KDM1B: variants seen among roughly 807,000 people sequenced by gnomAD.
KDM1B encodes the protein lysine-specific histone demethylase 2.
A neutral mutation model predicts 107.4 loss-of-function variants in KDM1B; 63 were observed. The ratio of observed to expected loss-of-function variants is 0.59; its 90% confidence interval spans 0.48 to 0.72. The LOEUF is 0.72. KDM1B is among the 30% of genes least tolerant of loss of function. KDM1B has a pLI of 0.00. For synonymous variants in KDM1B, 363 were observed against 363.9 expected (o/e 1.00, Z 0.03); for missense variants, 749 against 1,020.8 (o/e 0.73, Z 3.63).
chr6:18,208,251 C>T, intron 17 of KDM1B, 45 bp downstream of exon 17: 1 of 1,419,194 alleles, frequency 7.0e-7, no homozygotes, highest in Non-Finnish European at 9.8e-7. Flanking sequence ...CCTTTGCTGC[C>T]AGGGGCTTGG....
rs543540463 is a variant in KDM1B, at chr6:18,206,200, T to C, written c.1659+536T>C. ...GAAACTCTTCTTCAGATAATGCTTG[T>C]GAAAGAAGCTCAATACGTAAAAACA... On this transcript the variant is annotated intron_variant, in intron 15 of 21. Coordinates refer to ENST00000650836, the MANE Select transcript of KDM1B (RefSeq NM_001364614.2). Among the ~76,000 whole-genome samples the C allele has an allele frequency of 1.8e-3, 269 of 151,302 alleles. 1 individual carries two copies. The highest frequency in any genetic ancestry group is 6.4e-3 in the African/African-American group (264 of 41,214).
In KDM1B at chr6:18,172,856, G is replaced by A. The variant is rs532475843; in HGVS notation, c.534+1377G>A. On this transcript the variant is annotated intron_variant, in intron 7 of 21. Transcript: ENST00000650836. This position sits in a 1 kb window ranked among gnomAD's most constrained non-coding sequence, Gnocchi z 5.2. ...TGTAATCCCAGCACTTTGGGAGGCC[G>A]AGATGGGCGGATCACCCGAGGTCAG... Among the ~76,000 whole-genome samples the A allele has an allele frequency of 6.6e-6, 1 of 152,170 alleles. No homozygotes were observed. Among genetic ancestry groups the A allele is most frequent in the Middle Eastern group, 3.4e-3 (1 of 294 alleles).
At chr6:18,165,484 G>C (rs898924551) in intron 5 of KDM1B, among the ~76,000 whole-genome samples, 1 of 152,016 alleles carries the variant, frequency 6.6e-6, no homozygotes, top group Non-Finnish European at 1.5e-5. Context: ...TTCATCTACT[G>C]ATGTAATTTT....
In KDM1B at chr6:18,167,808, G is replaced by T. The variant is rs188494195; in HGVS notation, c.417+1430G>T. On this transcript the variant is annotated intron_variant, in intron 6 of 21. Coordinates refer to ENST00000650836, the MANE Select transcript of KDM1B (RefSeq NM_001364614.2). Reference sequence around the variant, plus strand: ...GATGGGGCCTTGCTCTGTCGTTCAGGCTAGAGTGCAGTTGTGGGATTATGA... The same window carrying T: ...GATGGGGCCTTGCTCTGTCGTTCAGTCTAGAGTGCAGTTGTGGGATTATGA... 4.7e-4 allele frequency among the ~76,000 whole-genome samples: 71 copies of T among 152,006 alleles called. 1 individual carries two copies. Among genetic ancestry groups the T allele is most frequent in the Admixed American group, 4.5e-3 (69 of 15,254 alleles).
intron 2 of KDM1B, among the ~76,000 whole-genome samples, chr6:18,156,844 G>A (rs953838334): frequency 5.3e-5 from 8 of 151,996 alleles, no homozygotes; most frequent in Admixed American, 6.6e-5. Flanking sequence ...TTGAACCCAG[G>A]AGGTGGATGT....
At chr6:18,185,225 C>G (rs1453341386) in intron 7 of KDM1B, among the ~76,000 whole-genome samples, 1 of 151,814 alleles carries the variant, frequency 6.6e-6, no homozygotes, top group Non-Finnish European at 1.5e-5. Context: ...TTGTCACCGC[C>G]CTTCGTGGTT....
rs1156783376 is a variant in KDM1B at position 18,204,050 on chromosome 6, A to C, written c.1532-1487A>C. 3.3e-5 allele frequency among the ~76,000 whole-genome samples: 5 copies of C among 152,272 alleles called. No homozygotes were observed. The highest frequency in any genetic ancestry group is 3.9e-4 in the East Asian group (2 of 5,174). On this transcript the variant is annotated intron_variant, in intron 14 of 21. Coordinates refer to ENST00000650836, the MANE Select transcript of KDM1B (RefSeq NM_001364614.2). The surrounding 1 kb of genome is among the most constrained non-coding windows in gnomAD (Gnocchi z 4.9). The stretch of plus-strand genomic sequence containing the variant: ...CCAGGGGTCTAGGAGCAACAAAGAC[A>C]GGCACAAATCTGGAGGCCTCTTGGG...
In KDM1B at chr6:18,222,092, A is replaced by G. The variant is rs773724307; in HGVS notation, c.*100A>G. 5 of 1,025,530 alleles carry G rather than the reference A, an allele frequency of 4.9e-6. No homozygotes were observed. The highest frequency in any genetic ancestry group is 1.3e-5 in the South Asian group (1 of 78,226). The allele number at this position is 1,025,530 out of a possible 1,614,324, so 63.5% of individuals were successfully genotyped here. A position where few individuals can be genotyped will look rare whatever the true frequency, so the allele number is the denominator to read the frequency against. On this transcript the variant is annotated 3_prime_UTR_variant, in exon 22 of 22. Transcript: ENST00000650836. ...AAGAGGGGGAAAAAACCGTCTCTACATAGTAAAACTGAAATGTTTCTAAGG... is the reference window on the plus strand; with the variant it reads ...AAGAGGGGGAAAAAACCGTCTCTACGTAGTAAAACTGAAATGTTTCTAAGG...
At chr6:18,161,500 A>G (rs1784970815) in intron 4 of KDM1B, 46 bp downstream of exon 4, 2 of 1,604,458 alleles carry the variant, frequency 1.2e-6, no homozygotes, top group Non-Finnish European at 1.7e-6. Flanking sequence ...GCTTGTGAGA[A>G]GTTCTTTGTG....
chr6:18,198,647 AAAAAAAAAAAC>A (rs537307392), intron 12 of KDM1B, among the ~76,000 whole-genome samples: 1,526 of 143,872 alleles, frequency 0.011, 18 homozygotes, highest in Non-Finnish European at 0.016. Context: ...CAAAAAAAAA[AAAAAAAAAAAC>A]AAAACGCCCT....
intron 7 of KDM1B, among the ~76,000 whole-genome samples, chr6:18,181,411 T>C (rs1786466423): frequency 6.6e-6 from 1 of 152,180 alleles, no homozygotes; most frequent in African/African-American, 2.4e-5. Flanking sequence ...AAAATATTTC[T>C]TTATCCCAAG....
chr6:18,165,585 G>A (rs575388503), intron 5 of KDM1B, among the ~76,000 whole-genome samples: 28 of 152,314 alleles, frequency 1.8e-4, no homozygotes, highest in Non-Finnish European at 3.5e-4. Flanking sequence ...CACTTTGGAA[G>A]GTTGAGGTGG....
chr6:18,213,596 T>TA lies in KDM1B; in HGVS notation c.1984-59dup. On this transcript the variant is annotated intron_variant, in intron 18 of 21. Coordinates refer to ENST00000650836, the MANE Select transcript of KDM1B (RefSeq NM_001364614.2). This position sits in a 1 kb window ranked among gnomAD's most constrained non-coding sequence, Gnocchi z 5.9. ...GTAGAGCTACAGGTTGCTGCTTAGA[T>TA]ATTGCCTGTGGTTTTGTGACGACAG... The TA allele has an allele frequency of 6.3e-7, 1 of 1,593,954 alleles. No homozygotes were observed. Among genetic ancestry groups the TA allele is most frequent in the East Asian group, 2.2e-5 (1 of 44,684 alleles).
intron 16 of KDM1B, 52 bp downstream of exon 16, chr6:18,207,581 G>C: frequency 6.2e-7 from 1 of 1,608,036 alleles, no homozygotes; most frequent in African/African-American, 1.3e-5. Flanking sequence ...GGGAGGATGT[G>C]AAGTTCTGGG....
Position 18,184,736 on chromosome 6 carries a change from C to CTTTTTTTTTTTTT in KDM1B, c.535-1024_535-1012dup, listed in dbSNP as rs58897300. Among the ~76,000 whole-genome samples, 16 of 65,464 alleles carry CTTTTTTTTTTTTT rather than the reference C, an allele frequency of 2.4e-4. 2 individuals are homozygous for CTTTTTTTTTTTTT. Among genetic ancestry groups the CTTTTTTTTTTTTT allele is most frequent in the Admixed American group, 7.8e-4 (3 of 3,834 alleles). 42.9% of individuals were successfully genotyped at this position (65,464 alleles called of 152,430 possible). On this transcript the variant is annotated intron_variant, in intron 7 of 21. Coordinates refer to ENST00000650836, the MANE Select transcript of KDM1B (RefSeq NM_001364614.2). ...CTTTGGGTTGTTTCTAGCTTTTTTC[C>CTTTTTTTTTTTTT]TTTTTTTTTTTTTTTTTTTTTTTTA...
intron 2 of KDM1B, among the ~76,000 whole-genome samples, chr6:18,158,775 C>T (rs2150749975): frequency 6.6e-6 from 1 of 152,234 alleles, no homozygotes; most frequent in African/African-American, 2.4e-5. Context: ...TTCATAGCTG[C>T]TACACATTAT....
chr6:18,163,285 C>T (rs12664844), intron 5 of KDM1B, among the ~76,000 whole-genome samples: 11,277 of 152,126 alleles, frequency 0.074, 565 homozygotes, highest in South Asian at 0.17. Flanking sequence ...GTCTCAAACT[C>T]CTGGGCTCAA....
intron 6 of KDM1B, among the ~76,000 whole-genome samples, chr6:18,167,363 G>GA (rs968104118): frequency 2.0e-5 from 3 of 146,656 alleles, no homozygotes; most frequent in African/African-American, 5.0e-5. Context: ...CTCAAAAAAA[G>GA]AAAAAAAAAA....
At chr6:18,160,016 T>C (rs756704180) in intron 3 of KDM1B, 34 bp downstream of exon 3, 14 of 1,398,846 alleles carry the variant, frequency 1.0e-5, no homozygotes, top group East Asian at 9.2e-5. Flanking sequence ...CAAGCCTTTT[T>C]TGAGCATGCA....
Sources: allele counts gnomAD v4.1 joint callset (sites outside exome capture counted in the v4.1 genomes callset), GRCh38; gene constraint gnomAD v4.1.1; non-coding constraint Gnocchi (gnomAD v3.1); transcripts MANE v1.5; gene names NCBI Gene and HGNC (gene_info 2026-07-23, HGNC 2026-07-21).